CDH1: variants seen among roughly 807,000 people sequenced by gnomAD.
CDH1 encodes cadherin 1.
Under a neutral mutation model 84.5 loss-of-function variants are expected in CDH1, and 35 were observed. The observed-to-expected ratio is 0.41, with a 90% CI of 0.32 to 0.55. The LOEUF (loss-of-function observed/expected upper bound fraction) is 0.55, where lower values mean the gene tolerates loss of function less well. CDH1 is among the 20% of genes least tolerant of loss of function. CDH1 has a pLI of 0.19. For missense variants in CDH1, 994 were observed against 1,126.6 expected, an observed-to-expected ratio of 0.88 and a Z score of 1.68; for synonymous variants, 417 against 439.0, an observed-to-expected ratio of 0.95 and a Z score of 0.63.
intron 2 of CDH1, among the ~76,000 whole-genome samples, chr16:68,745,550 A>AAAATATATATATATG (rs71253605): frequency 2.6e-4 from 13 of 50,506 alleles, no homozygotes; most frequent in East Asian, 3.9e-4. Context: ...AAAAAAAAAA[A>AAAATATATATATATG]TATATATATA....
intron 3 of CDH1, 147 bp downstream of exon 3, chr16:68,802,040 G>A: frequency 4.1e-6 from 3 of 734,180 alleles, no homozygotes; most frequent in Non-Finnish European, 7.2e-6. Flanking sequence ...TGTTTAGCAA[G>A]CATCCCTGGC....
chr16:68,769,057 T>C (rs1959467997), intron 2 of CDH1, among the ~76,000 whole-genome samples: 1 of 152,162 alleles, frequency 6.6e-6, no homozygotes, highest in African/African-American at 2.4e-5. Flanking sequence ...CTGCCTTTTT[T>C]CCATGGCACT....
At chr16:68,742,117 G>A (rs201170430) in intron 2 of CDH1, among the ~76,000 whole-genome samples, 24 of 152,286 alleles carry the variant, frequency 1.6e-4, no homozygotes, top group Admixed American at 2.6e-4. Flanking sequence ...GCGGAAAAAA[G>A]AAAAGCTGGC....
At chr16:68,782,914 A>C (rs1959923934) in intron 2 of CDH1, among the ~76,000 whole-genome samples, 1 of 152,202 alleles carries the variant, frequency 6.6e-6, no homozygotes, top group South Asian at 2.1e-4. Flanking sequence ...ATCAGATTGC[A>C]ACCCTGAGAA....
At chr16:68,832,734 C>T (rs754442300) in intron 15 of CDH1, among the ~76,000 whole-genome samples, 2 of 151,882 alleles carry the variant, frequency 1.3e-5, no homozygotes, top group South Asian at 2.1e-4. Context: ...GCAGGAGAAT[C>T]GCTTGAACCT....
At chr16:68,767,865 C>T (rs1478926452) in intron 2 of CDH1, among the ~76,000 whole-genome samples, 1 of 152,122 alleles carries the variant, frequency 6.6e-6, no homozygotes, top group Non-Finnish European at 1.5e-5. Context: ...GAGGCTGAAG[C>T]AGGAGGATCA....
intron 10 of CDH1, among the ~76,000 whole-genome samples, chr16:68,818,633 G>A (rs1254127154): frequency 6.6e-6 from 1 of 150,588 alleles, no homozygotes; most frequent in East Asian, 2.0e-4. Flanking sequence ...CGGATCATGA[G>A]GTCAGGAGAT....
In CDH1 at chr16:68,812,222, A is replaced by C. The variant is rs1060501238; in HGVS notation, c.1096A>C (p.Thr366Pro). ...AACAGCAACAGCTGTGATCACAGTC[A>C]CTGACACCAACGATAATCCTCCGAT... ...STTATAVITVTDTNDNPPIFN... is the reference protein window; with the variant it reads ...STTATAVITVPDTNDNPPIFN... Residue 366 changes from threonine to proline, a missense_variant, in exon 8 of 16, where the codon ACT becomes CCT. By Grantham distance (38) the Thr-to-Pro change is conservative (BLOSUM62 -1). Transcript: ENST00000261769. The C allele has an allele frequency of 5.6e-6, 9 of 1,614,146 alleles. No individual in the cohort carries two copies. The South Asian group carries it at 9.9e-5, about 18-fold the overall frequency.
At chr16:68,804,003 C>T (rs1217494900) in intron 3 of CDH1, among the ~76,000 whole-genome samples, 1 of 150,140 alleles carries the variant, frequency 6.7e-6, no homozygotes, top group African/African-American at 2.4e-5. Flanking sequence ...GAGCTCCAGT[C>T]ATCATGTCTT....
chr16:68,783,968 G>T (rs1393214908), intron 2 of CDH1, among the ~76,000 whole-genome samples: 4 of 152,094 alleles, frequency 2.6e-5, no homozygotes, highest in Non-Finnish European at 5.9e-5. Context: ...GAGCCACCGT[G>T]CCCAGCCCTT....
chr16:68,774,215 G>A (rs1959665430), intron 2 of CDH1, among the ~76,000 whole-genome samples: 1 of 152,180 alleles, frequency 6.6e-6, no homozygotes, highest in Admixed American at 6.5e-5. Context: ...TGAATGGCCA[G>A]AAGCACAGTT....
intron 15 of CDH1, among the ~76,000 whole-genome samples, 180 bp downstream of exon 15, chr16:68,829,977 G>A (rs1367549844): frequency 1.6e-5 from 2 of 128,484 alleles, no homozygotes; most frequent in Admixed American, 8.3e-5. Context: ...TTTTTTTTGA[G>A]ACGAAGTTTC....
chr16:68,822,456 C>A (rs1290860792), intron 12 of CDH1: 2 of 589,580 alleles, frequency 3.4e-6, no homozygotes, highest in Admixed American at 2.7e-5. Flanking sequence ...GCAGGGCTCC[C>A]TCTCCCAGCC....
At chr16:68,831,177 C>T (rs1268831146) in intron 15 of CDH1, among the ~76,000 whole-genome samples, 1 of 143,342 alleles carries the variant, frequency 7.0e-6, no homozygotes, top group East Asian at 2.2e-4. Flanking sequence ...CTCCCAGGTT[C>T]ACACCATTCT....
At chr16:68,750,700 T>C (rs9937664) in intron 2 of CDH1, among the ~76,000 whole-genome samples, 34,201 of 150,970 alleles carry the variant, frequency 0.23, 4,417 homozygotes, top group East Asian at 0.28. Flanking sequence ...ACACCTTCTT[T>C]CTCCTTGGTT....
intron 2 of CDH1, among the ~76,000 whole-genome samples, chr16:68,786,074 G>A (rs1163078998): frequency 2.6e-5 from 4 of 152,140 alleles, no homozygotes; most frequent in African/African-American, 9.7e-5. Context: ...AGTGACCTGT[G>A]GCTGTTCTCC....
intron 2 of CDH1, among the ~76,000 whole-genome samples, chr16:68,789,321 C>T (rs755020857): frequency 2.0e-5 from 3 of 152,092 alleles, no homozygotes; most frequent in South Asian, 2.1e-4. Flanking sequence ...TGTGAGCCAC[C>T]GCACCTGGCC....
chr16:68,770,320 A>T (rs1410421840), intron 2 of CDH1, among the ~76,000 whole-genome samples: 1 of 152,086 alleles, frequency 6.6e-6, no homozygotes, highest in Non-Finnish European at 1.5e-5. Context: ...TGTGCCTGGA[A>T]GGACCTCAGA....
At chr16:68,772,381 T>C (rs1278488857) in intron 2 of CDH1, among the ~76,000 whole-genome samples, 2 of 152,164 alleles carry the variant, frequency 1.3e-5, no homozygotes, top group African/African-American at 4.8e-5. Context: ...TAAGTCTCTT[T>C]AATTAGTTCA....
Sources: allele counts gnomAD v4.1 joint callset (sites outside exome capture counted in the v4.1 genomes callset), GRCh38; gene constraint gnomAD v4.1.1; transcripts MANE v1.5; gene names NCBI Gene and HGNC (gene_info 2026-07-23, HGNC 2026-07-21).